Variants in GTF3C1 observed in about 807,000 individuals in gnomAD.
GTF3C1 encodes the protein general transcription factor IIIC subunit 1.
Under a neutral mutation model 226.7 loss-of-function variants are expected in GTF3C1, and 57 were observed. The observed-to-expected ratio is 0.25, with a 90% CI of 0.20 to 0.31. GTF3C1 has a LOEUF of 0.31. Ranked by LOEUF, GTF3C1 falls within the 10% of genes least tolerant of loss-of-function variation. GTF3C1 has a pLI of 1.00. For missense variants in GTF3C1, 2,217 were observed against 2,776.1 expected (o/e 0.80, Z 4.53); for synonymous variants, 1,090 against 1,084.8 (o/e 1.00, Z -0.09).
chr16:27,487,348 G>C (rs551039745), intron 23 of GTF3C1, among the ~76,000 whole-genome samples: 1 of 152,310 alleles, frequency 6.6e-6, no homozygotes, highest in Admixed American at 6.5e-5. Flanking sequence ...AGTGGCTGCT[G>C]TTAAAACTTG....
chr16:27,464,133 C>A (rs900487317), intron 34 of GTF3C1, 187 bp downstream of exon 34: 3 of 456,462 alleles, frequency 6.6e-6, no homozygotes, highest in African/African-American at 6.1e-5. Context: ...GCCTGCCCTC[C>A]CCTGGAAATG....
intron 6 of GTF3C1, among the ~76,000 whole-genome samples, chr16:27,517,338 A>G (rs2088673533): frequency 1.3e-5 from 2 of 152,144 alleles, no homozygotes; most frequent in Non-Finnish European, 2.9e-5. Context: ...TCCAGACTAC[A>G]AGTCAGCTAA....
intron 7 of GTF3C1, among the ~76,000 whole-genome samples, chr16:27,510,549 G>A (rs1196921968): frequency 1.3e-5 from 2 of 152,088 alleles, no homozygotes; most frequent in African/African-American, 2.4e-5. Flanking sequence ...GTCAAACTCC[G>A]TCTCAAAAAA....
chr16:27,514,691 C>T (rs536565706), intron 6 of GTF3C1, among the ~76,000 whole-genome samples: 1 of 152,286 alleles, frequency 6.6e-6, no homozygotes, highest in Non-Finnish European at 1.5e-5. Flanking sequence ...ATGAACTGAC[C>T]CTCACCATGG....
At chr16:27,489,250 T>G in intron 20 of GTF3C1, 72 bp from the exon 21 acceptor site, 7 of 1,517,342 alleles carry the variant, frequency 4.6e-6, no homozygotes, top group Non-Finnish European at 5.4e-6. Flanking sequence ...ATGGCATGGG[T>G]TGAGGGACAT....
rs762515363 is a variant in GTF3C1 at position 27,492,551 on chromosome 16, G to A, written c.2974-36C>T. 11 of 1,567,370 alleles carry A rather than the reference G, an allele frequency of 7.0e-6. No individual in the cohort carries two copies. The highest frequency in any genetic ancestry group is 9.7e-6 in the Non-Finnish European group (11 of 1,137,444). The stretch of plus-strand genomic sequence containing the variant: ...ACACCAGACAGGGAGAACCCACATT[G>A]GGTCTGGCTGCTTGGAGACCGTTTA... On this transcript the variant is annotated intron_variant, in intron 18 of 36. Coordinates refer to ENST00000356183, the MANE Select transcript of GTF3C1 (RefSeq NM_001520.4). The surrounding 1 kb of genome is among the most constrained non-coding windows in gnomAD (Gnocchi z 5.0).
At chr16:27,522,534 G>A (rs2088765061) in intron 6 of GTF3C1, among the ~76,000 whole-genome samples, 1 of 152,234 alleles carries the variant, frequency 6.6e-6, no homozygotes, top group Non-Finnish European at 1.5e-5. Flanking sequence ...AGCAGGAAGT[G>A]TGAGTTCTCC....
In GTF3C1 at chr16:27,470,819, C is replaced by G; in HGVS notation, c.4527-424G>C. The stretch of plus-strand genomic sequence containing the variant: ...TCTCCACGCAGTGCCTGGTGAGTCA[C>G]TTCCCCGGCTCTGTCCAGAGAGCAA... On this transcript the variant is annotated intron_variant, in intron 30 of 36. Transcript: ENST00000356183. The surrounding 1 kb of genome is among the most constrained non-coding windows in gnomAD (Gnocchi z 4.9). The G allele has an allele frequency of 5.0e-6, 1 of 198,424 alleles. No homozygotes were observed. Among genetic ancestry groups the G allele is most frequent in the Non-Finnish European group, 1.0e-5 (1 of 95,382 alleles). 12.3% of individuals were successfully genotyped at this position (198,424 alleles called of 1,614,324 possible).
In GTF3C1 at chr16:27,482,027, C is replaced by T. The variant is rs146920275; in HGVS notation, c.4084-836G>A. On this transcript the variant is annotated intron_variant, in intron 26 of 36. Coordinates refer to ENST00000356183, the MANE Select transcript of GTF3C1 (RefSeq NM_001520.4). ...TTAAGCCACTCATGGCAGCCTGAGT[C>T]CCCTGTGCTATGTCCCACTGTTTCC... Among the ~76,000 whole-genome samples, 326 of 152,318 alleles carry T rather than the reference C, an allele frequency of 2.1e-3. 2 individuals carry two copies. Among genetic ancestry groups the T allele is most frequent in the Non-Finnish European group, 3.5e-3 (241 of 68,014 alleles).
At chr16:27,534,329 G>A (rs2088966934) in intron 4 of GTF3C1, among the ~76,000 whole-genome samples, 1 of 152,204 alleles carries the variant, frequency 6.6e-6, no homozygotes, top group Non-Finnish European at 1.5e-5. Context: ...AGCTCAGGGA[G>A]GGGTGCAGGG....
chr16:27,536,056 G>A (rs554423868), intron 4 of GTF3C1, among the ~76,000 whole-genome samples: 11 of 152,152 alleles, frequency 7.2e-5, no homozygotes, highest in Non-Finnish European at 1.5e-4. Flanking sequence ...CTGCAGCTGC[G>A]ACTGCCCGCC....
intron 12 of GTF3C1, among the ~76,000 whole-genome samples, chr16:27,500,608 G>C (rs1394578475): frequency 6.6e-6 from 1 of 152,162 alleles, no homozygotes; most frequent in East Asian, 1.9e-4. Flanking sequence ...CTGGTGCCTG[G>C]CTGTACCATC....
chr16:27,470,551 C>T lies in GTF3C1; in HGVS notation c.4527-156G>A. The stretch of plus-strand genomic sequence containing the variant: ...CTCTGTCCCATCCCAGATGAAGGTG[C>T]TGCATTCCCACCTAGCGGTGTTTGT... On this transcript the variant is annotated intron_variant, in intron 30 of 36. Coordinates refer to ENST00000356183, the MANE Select transcript of GTF3C1 (RefSeq NM_001520.4). This position sits in a 1 kb window ranked among gnomAD's most constrained non-coding sequence, Gnocchi z 4.9. 1 of 643,174 alleles carries T rather than the reference C, an allele frequency of 1.6e-6. No individual in the cohort carries two copies. The highest frequency in any genetic ancestry group is 2.7e-6 in the Non-Finnish European group (1 of 368,112). The allele number at this position is 643,174 out of a possible 1,614,324, so 39.8% of individuals were successfully genotyped here.
intron 3 of GTF3C1, 30 bp from the exon 4 acceptor site, chr16:27,537,957 CTTT>C: frequency 1.2e-6 from 2 of 1,608,484 alleles, no homozygotes; most frequent in Non-Finnish European, 1.7e-6. Flanking sequence ...ATGTCATTTG[CTTT>C]GCTGGTAGTT....
chr16:27,510,229 C>A (rs1181277107), intron 7 of GTF3C1, among the ~76,000 whole-genome samples: 3 of 151,990 alleles, frequency 2.0e-5, no homozygotes, highest in Non-Finnish European at 4.4e-5. Context: ...ACTAAAAATA[C>A]AAAAAAATTA....
At chr16:27,538,611 C>G (rs2089036052) in intron 2 of GTF3C1, among the ~76,000 whole-genome samples, 1 of 152,200 alleles carries the variant, frequency 6.6e-6, no homozygotes, top group Non-Finnish European at 1.5e-5. Flanking sequence ...CCCTTCAGGG[C>G]TCGCCAAGGC....
At chr16:27,503,023 G>A (rs747912556) in intron 10 of GTF3C1, 28 bp from the exon 11 acceptor site, 1 of 1,600,998 alleles carries the variant, frequency 6.2e-7, no homozygotes, top group Non-Finnish European at 8.6e-7. Context: ...AGCACAAGAT[G>A]CAATGGGCTC....
intron 6 of GTF3C1, among the ~76,000 whole-genome samples, chr16:27,526,519 G>A (rs572737707): frequency 1.3e-5 from 2 of 152,300 alleles, no homozygotes; most frequent in South Asian, 4.1e-4. Context: ...CAATTCTCTT[G>A]TTTCTAGCCC....
At chr16:27,524,360 T>C (rs1022303486) in intron 6 of GTF3C1, among the ~76,000 whole-genome samples, 8 of 152,238 alleles carry the variant, frequency 5.3e-5, no homozygotes, top group Non-Finnish European at 7.3e-5. Flanking sequence ...GTGAGCCAAA[T>C]AAAACACACG....
Sources: allele counts gnomAD v4.1 joint callset (sites outside exome capture counted in the v4.1 genomes callset), GRCh38; gene constraint gnomAD v4.1.1; non-coding constraint Gnocchi (gnomAD v3.1); transcripts MANE v1.5; gene names NCBI Gene and HGNC (gene_info 2026-07-23, HGNC 2026-07-21).